PDE2A: variants seen among roughly 807,000 people sequenced by gnomAD.
PDE2A encodes cGMP-dependent 3',5'-cyclic phosphodiesterase.
Under a neutral mutation model 133.6 loss-of-function variants are expected in PDE2A, and 53 were observed. The observed-to-expected ratio is 0.40, with a 90% CI of 0.32 to 0.50. The LOEUF is 0.50. Ranked by LOEUF, PDE2A falls within the 20% of genes least tolerant of loss-of-function variation. The probability of loss-of-function intolerance (pLI) is 0.73; values close to 1 mark genes in which losing one functional copy is unlikely to be tolerated. For missense variants in PDE2A, 796 were observed against 1,232.4 expected (o/e 0.65, Z 5.30); for synonymous variants, 491 against 490.2 (o/e 1.00, Z -0.02).
chr11:72,633,910 C>T (rs1858548845), intron 2 of PDE2A, among the ~76,000 whole-genome samples: 1 of 152,206 alleles, frequency 6.6e-6, no homozygotes. Context: ...GGGCAGTGTG[C>T]ACCCATGACC....
rs1188784312 is a variant in PDE2A at position 72,586,080 on chromosome 11, C to T, written c.1172G>A (p.Cys391Tyr). ...AGGCAGGTCACTCACCTGGCACTCA[C>T]ACTTGAGTTTCTGTTCCTTCTGGAA... The part of the protein sequence containing the change: ...LAFQKEQKLK[C>Y]ECQALLQVAK... Residue 391 changes from cysteine to tyrosine, a missense_variant, in exon 14 of 31, where the codon TGT becomes TAT. Transcript: ENST00000334456. The T allele has an allele frequency of 1.2e-6, 2 of 1,603,202 alleles. No individual in the cohort carries two copies. The highest frequency in any genetic ancestry group is 1.7e-5 in the Admixed American group (1 of 59,472).
chr11:72,653,580 G>A (rs1351335947), intron 1 of PDE2A, among the ~76,000 whole-genome samples: 2 of 152,130 alleles, frequency 1.3e-5, no homozygotes. Flanking sequence ...TGAGGCAGGA[G>A]GCAATATAGA....
At chr11:72,668,456 T>C (rs1855300507) in intron 1 of PDE2A, 2 of 712,538 alleles carry the variant, frequency 2.8e-6, no homozygotes, top group Non-Finnish European at 5.2e-6. Flanking sequence ...GTCGTAATTA[T>C]GGCTTAATAC....
chr11:72,607,505 C>T (rs914423837), intron 3 of PDE2A, among the ~76,000 whole-genome samples: 1 of 152,166 alleles, frequency 6.6e-6, no homozygotes, highest in Non-Finnish European at 1.5e-5. Context: ...CCACTTCCTA[C>T]CAATTTCACA....
chr11:72,604,095 C>T (rs925845257), intron 4 of PDE2A, among the ~76,000 whole-genome samples: 3 of 152,224 alleles, frequency 2.0e-5, no homozygotes, highest in Non-Finnish European at 2.9e-5. Context: ...TTGGGACATC[C>T]CCACTGGTGC....
At position 72,608,765 on chromosome 11, in the gene PDE2A, G is replaced by A. The variant is rs1323512289; in HGVS notation, c.145-14C>T. On this transcript the variant is annotated splice_polypyrimidine_tract_variant and intron_variant, in intron 2 of 30. Transcript: ENST00000334456. ...CAGCAAGGCGTCCTGGAAGAGAGGA[G>A]AGGGCAGTGAGAGGCTTTGCCAGGC... is the stretch of plus-strand genomic sequence containing the variant. The A allele has an allele frequency of 1.3e-5, 19 of 1,464,608 alleles. No individual in the cohort carries two copies. Among genetic ancestry groups the A allele is most frequent in the Non-Finnish European group, 1.8e-5 (19 of 1,063,340 alleles). The allele number at this position is 1,464,608 out of a possible 1,614,324, so 90.7% of individuals were successfully genotyped here.
chr11:72,589,302 T>G (rs998971736), intron 11 of PDE2A, 62 bp from the exon 12 acceptor site: 5 of 1,213,618 alleles, frequency 4.1e-6, no homozygotes, highest in Non-Finnish European at 6.1e-6. Context: ...GATCTCAACC[T>G]GTCCCCACCC....
Position 72,585,547 on chromosome 11 carries a change from C to A in PDE2A, c.1222+7G>T, listed in dbSNP as rs776714324. 1.9e-6 allele frequency: 3 copies of A among 1,613,264 alleles called. No homozygotes were observed. The East Asian group carries it at 6.7e-5, about 36-fold the overall frequency. ...ACACAGCCAGGCAGAGAGAACAGTGCACTCACCCAGGTGGGTGAAGAGGTT... is the reference window on the plus strand; with the variant it reads ...ACACAGCCAGGCAGAGAGAACAGTGAACTCACCCAGGTGGGTGAAGAGGTT... On this transcript the variant is annotated splice_region_variant and intron_variant, in intron 15 of 30. Transcript: ENST00000334456.
chr11:72,616,027 C>G (rs1244648278), intron 2 of PDE2A, among the ~76,000 whole-genome samples: 1 of 152,194 alleles, frequency 6.6e-6, no homozygotes, highest in Non-Finnish European at 1.5e-5. Flanking sequence ...CTCAGCCTCA[C>G]CCCCTCAGGG....
At position 72,627,787 on chromosome 11, in the gene PDE2A, C is replaced by T. The variant is rs189616382; in HGVS notation, c.144+14467G>A. ...CCCATCCCAGCTAAGGCTCCCAAGC[C>T]GCCATCTGGGCCCTGAGAGCCATCA... On this transcript the variant is annotated intron_variant, in intron 2 of 30. Transcript: ENST00000334456. 2.2e-3 allele frequency among the ~76,000 whole-genome samples: 339 copies of T among 152,348 alleles called. 4 individuals carry two copies. Among genetic ancestry groups the T allele is most frequent in the African/African-American group, 7.9e-3 (327 of 41,578 alleles).
chr11:72,617,931 T>G (rs565592735), intron 2 of PDE2A, among the ~76,000 whole-genome samples: 83 of 152,308 alleles, frequency 5.4e-4, no homozygotes, highest in Non-Finnish European at 1.0e-3. Flanking sequence ...AGCAATCTTC[T>G]GAGTGGGGTC....
chr11:72,651,998 G>A (rs1591130671), intron 1 of PDE2A, among the ~76,000 whole-genome samples: 1 of 152,230 alleles, frequency 6.6e-6, no homozygotes, highest in African/African-American at 2.4e-5. Flanking sequence ...GCCTTCCATG[G>A]ACACTTGCTG....
intron 4 of PDE2A, among the ~76,000 whole-genome samples, chr11:72,604,092 A>T (rs537442558): frequency 5.3e-4 from 80 of 152,300 alleles, no homozygotes; most frequent in African/African-American, 1.8e-3. Context: ...TTCTTGGGAC[A>T]TCCCCACTGG....
intron 1 of PDE2A, among the ~76,000 whole-genome samples, chr11:72,657,624 G>A (rs1854934813): frequency 6.6e-6 from 1 of 152,194 alleles, no homozygotes; most frequent in Non-Finnish European, 1.5e-5. Context: ...GCTGGATGCT[G>A]TCATCACTAA....
Position 72,590,534 on chromosome 11 carries a change from G to A in PDE2A, c.596C>T (p.Pro199Leu). 8 of 1,445,832 alleles carry A rather than the reference G, an allele frequency of 5.5e-6. No individual in the cohort carries two copies. Among genetic ancestry groups the A allele is most frequent in the Non-Finnish European group, 7.2e-6 (8 of 1,105,742 alleles). The allele number at this position is 1,445,832 out of a possible 1,614,324, so 89.6% of individuals were successfully genotyped here. Reference protein sequence around the residue: ...RRVQVLQQRGPREAPRAVQNP... With the variant: ...RRVQVLQQRGLREAPRAVQNP... ...CTGGACGGCTCGGGGAGCCTCCCTG[G>A]GCCCGCGCTGCTGCAGGACCTGCAC... Residue 199 changes from proline (P) to leucine (L), a missense_variant, in exon 8 of 31, where the codon CCC becomes CTC. Coordinates refer to ENST00000334456, the MANE Select transcript of PDE2A (RefSeq NM_002599.5). This position sits in a 1 kb window ranked among gnomAD's most constrained non-coding sequence, Gnocchi z 4.8.
intron 13 of PDE2A, among the ~76,000 whole-genome samples, chr11:72,588,387 AG>A (rs5792597): frequency 0.21 from 32,200 of 152,118 alleles, 3,997 homozygotes; most frequent in East Asian, 0.49. Context: ...GGGGCTCAAA[AG>A]ATCCACAGCT....
At chr11:72,650,478 T>C (rs1854705425) in intron 1 of PDE2A, among the ~76,000 whole-genome samples, 1 of 151,874 alleles carries the variant, frequency 6.6e-6, no homozygotes, top group Non-Finnish European at 1.5e-5. Flanking sequence ...CCCCAGCCCC[T>C]TCACTGATCC....
chr11:72,636,045 T>C, intron 2 of PDE2A: 1 of 1,273,900 alleles, frequency 7.8e-7, no homozygotes, highest in Non-Finnish European at 1.0e-6. Context: ...GAGGCAACCG[T>C]GGATGGGAGG....
intron 4 of PDE2A, among the ~76,000 whole-genome samples, chr11:72,602,179 T>C (rs1037970043): frequency 1.1e-4 from 16 of 152,242 alleles, no homozygotes; most frequent in Admixed American, 2.6e-4. Context: ...AAGCAGCCCT[T>C]ACAAGCACAA....
Sources: gnomAD v4.1 joint callset for allele counts (sites outside exome capture counted in the v4.1 genomes callset) on GRCh38, gnomAD v4.1.1 for gene constraint, Gnocchi (gnomAD v3.1) non-coding constraint, MANE v1.5 for transcripts, NCBI Gene and HGNC (gene_info 2026-07-23, HGNC 2026-07-21) for gene names.